The following HERC3 variants were observed in gnomAD, a reference collection of about 807,000 sequenced individuals.
HERC3 encodes the protein probable E3 ubiquitin-protein ligase HERC3.
HERC3 carries 58 observed loss-of-function variants against 129.9 expected under a neutral mutation model. The observed-to-expected ratio is 0.45, with a 90% CI of 0.36 to 0.56. The LOEUF is 0.56. Among genes scored for constraint, HERC3 ranks in the 20% least tolerant of loss-of-function variants. The pLI, the probability that HERC3 is intolerant of heterozygous loss-of-function variation, is 0.00. For synonymous variants in HERC3, 430 were observed against 451.0 expected (o/e 0.95, Z 0.59); for missense variants, 835 against 1,244.2 (o/e 0.67, Z 4.95).
chr4:88,585,534 T>TTG, the HERC3 span, among the ~76,000 whole-genome samples: 8 of 138,972 alleles, frequency 5.8e-5, no homozygotes, highest in Non-Finnish European at 9.0e-5. Flanking sequence ...TTTTTTTTTT[T>TTG]GCTATGGAAC....
intron 11 of HERC3, among the ~76,000 whole-genome samples, chr4:88,662,798 G>C (rs773780069): frequency 2.0e-5 from 3 of 152,024 alleles, no homozygotes; most frequent in South Asian, 2.1e-4. Flanking sequence ...TTTATTGTAT[G>C]ATCTTAAAAA....
chr4:88,664,119 A>T, intron 11 of HERC3, 34 bp from the exon 12 acceptor site: 1 of 1,578,752 alleles, frequency 6.3e-7, no homozygotes, highest in Non-Finnish European at 8.7e-7. Flanking sequence ...TGTAATTATT[A>T]AAGGCTTCCC....
the HERC3 span, among the ~76,000 whole-genome samples, chr4:88,569,776 A>G: frequency 6.6e-6 from 1 of 152,178 alleles, no homozygotes; most frequent in Admixed American, 6.6e-5. Context: ...ATTTCCGTGT[A>G]TGCAAGCCAG....
intron 3 of HERC3, among the ~76,000 whole-genome samples, chr4:88,643,763 A>G (rs188439423): frequency 1.4e-4 from 22 of 152,344 alleles, no homozygotes; most frequent in South Asian, 1.0e-3. Context: ...ACAGATCTCA[A>G]TGTAAAATGT....
At chr4:88,692,460 A>G (rs1253780392) in intron 23 of HERC3, among the ~76,000 whole-genome samples, 3 of 152,086 alleles carry the variant, frequency 2.0e-5, no homozygotes, top group Non-Finnish European at 2.9e-5. Context: ...CCGTAGTGAG[A>G]ACCTGAGAAT....
chr4:88,549,063 A>G, the HERC3 span, among the ~76,000 whole-genome samples: 1 of 152,050 alleles, frequency 6.6e-6, no homozygotes, highest in African/African-American at 2.4e-5. Context: ...CTATTGCCTA[A>G]TCCAAGTTCA....
chr4:88,546,424 A>G, the HERC3 span, among the ~76,000 whole-genome samples: 2 of 152,124 alleles, frequency 1.3e-5, no homozygotes, highest in African/African-American at 4.8e-5. Flanking sequence ...AATATTATTG[A>G]CTACCAAATC....
chr4:88,626,778 G>C (rs1036728807), intron 3 of HERC3, among the ~76,000 whole-genome samples: 4 of 151,990 alleles, frequency 2.6e-5, no homozygotes, highest in Non-Finnish European at 5.9e-5. Context: ...TATAGCACTT[G>C]TATCTTCATT....
chr4:88,623,339 G>A (rs1175437960), intron 3 of HERC3, among the ~76,000 whole-genome samples: 1 of 152,182 alleles, frequency 6.6e-6, no homozygotes, highest in Non-Finnish European at 1.5e-5. Flanking sequence ...GGCCTACTTA[G>A]GCTGGTTTGA....
At chr4:88,595,843 T>G (rs1160207883) in intron 2 of HERC3, among the ~76,000 whole-genome samples, 1 of 63,750 alleles carries the variant, frequency 1.6e-5, no homozygotes, top group Non-Finnish European at 2.5e-5. Flanking sequence ...ACTTAATTCT[T>G]TTTTTTTTTT....
At chr4:88,589,141 G>A (rs946079021), upstream of HERC3, among the ~76,000 whole-genome samples, 3 of 152,116 alleles carry the variant, frequency 2.0e-5, no homozygotes, top group Non-Finnish European at 4.4e-5. Flanking sequence ...CCAGGCTGGA[G>A]TGCAGTGGTG....
At chr4:88,595,314 T>C (rs1294478205) in intron 1 of HERC3, among the ~76,000 whole-genome samples, 1 of 152,204 alleles carries the variant, frequency 6.6e-6, no homozygotes, top group Non-Finnish European at 1.5e-5. Context: ...TTTTATAAGG[T>C]GATATCTATA....
the HERC3 span, chr4:88,528,102 G>C: frequency 3.7e-6 from 1 of 272,756 alleles, no homozygotes; most frequent in South Asian, 4.2e-5. Context: ...AATCCAGGTG[G>C]TGAGGATGTC....
chr4:88,590,404 C>T (rs1560642484), upstream of HERC3, among the ~76,000 whole-genome samples: 1 of 152,088 alleles, frequency 6.6e-6, no homozygotes, highest in Non-Finnish European at 1.5e-5. Flanking sequence ...ACTGAAAATA[C>T]AAAAATTAGC....
the HERC3 span, among the ~76,000 whole-genome samples, chr4:88,529,250 G>A: frequency 3.5e-4 from 54 of 152,266 alleles, no homozygotes; most frequent in African/African-American, 1.2e-3. Context: ...GATTGCTTGA[G>A]GCCAGGAGTT....
At chr4:88,694,423 TAG>T (rs1227096756) in intron 23 of HERC3, among the ~76,000 whole-genome samples, 4 of 152,264 alleles carry the variant, frequency 2.6e-5, no homozygotes, top group Non-Finnish European at 4.4e-5. Flanking sequence ...TTTGAAAATG[TAG>T]AGTGTGTCTT....
At chr4:88,697,389 C>T (rs894439716) in intron 23 of HERC3, 7 of 1,614,082 alleles carry the variant, frequency 4.3e-6, no homozygotes, top group Non-Finnish European at 5.9e-6. Flanking sequence ...CGCCGGTGAG[C>T]TCTTGGATCT....
At chr4:88,524,830 A>G in the HERC3 span, 2 of 152,138 alleles carry the variant, frequency 1.3e-5, no homozygotes, top group African/African-American at 2.4e-5. Context: ...GTTCTGCTGA[A>G]TATCAACCTG....
At chr4:88,585,441 T>C in the HERC3 span, among the ~76,000 whole-genome samples, 1 of 152,176 alleles carries the variant, frequency 6.6e-6, no homozygotes, top group Non-Finnish European at 1.5e-5. Flanking sequence ...CACTAAGTTT[T>C]CTTTTTGAGA....
Sources: gnomAD v4.1 joint callset for allele counts (sites outside exome capture counted in the v4.1 genomes callset) on GRCh38, gnomAD v4.1.1 for gene constraint, MANE v1.5 for transcripts, NCBI Gene and HGNC (gene_info 2026-07-23, HGNC 2026-07-21) for gene names.